Variants in CABLES1 observed in about 807,000 individuals in gnomAD.
CABLES1 encodes Cdk5 and Abl enzyme substrate 1.
In CABLES1, 36 loss-of-function variants were observed where a neutral mutation model predicts 57.8. The observed-to-expected ratio is 0.62, with a 90% CI of 0.48 to 0.82. The LOEUF is 0.82. CABLES1 is among the 40% of genes least tolerant of loss of function. The pLI is 0.00. For missense variants in CABLES1, 767 were observed against 836.6 expected, an observed-to-expected ratio of 0.92 and a Z score of 1.03; for synonymous variants, 374 against 363.0, an observed-to-expected ratio of 1.03 and a Z score of -0.35.
At chr18:23,226,179 G>A (rs968425257) in intron 4 of CABLES1, among the ~76,000 whole-genome samples, 21 of 152,260 alleles carry the variant, frequency 1.4e-4, no homozygotes, top group South Asian at 1.0e-3. Flanking sequence ...CGAGGTGGGC[G>A]GATCACAAGG....
intron 4 of CABLES1, among the ~76,000 whole-genome samples, chr18:23,232,063 G>A (rs566614672): frequency 7.9e-5 from 12 of 152,270 alleles, no homozygotes; most frequent in African/African-American, 1.9e-4. Context: ...TAAATAGTTC[G>A]TTACATATCA....
intron 4 of CABLES1, among the ~76,000 whole-genome samples, chr18:23,217,455 G>A (rs1025431454): frequency 2.6e-5 from 4 of 152,080 alleles, no homozygotes; most frequent in Non-Finnish European, 4.4e-5. Flanking sequence ...GAACATGTTC[G>A]TTTCTGCAGC....
chr18:23,257,116 G>A (rs1445173863), intron 9 of CABLES1, 111 bp from the exon 10 acceptor site: 4 of 1,237,246 alleles, frequency 3.2e-6, no homozygotes, highest in East Asian at 4.8e-5. Context: ...TTTGCCCAAA[G>A]TGGATTTCTC....
rs10638130 is a variant in CABLES1, at chr18:23,150,207, G to GTTTTTTTTTTTTTT, written c.845+13606_845+13619dup. Among the ~76,000 whole-genome samples, 50 of 106,662 alleles carry GTTTTTTTTTTTTTT rather than the reference G, an allele frequency of 4.7e-4. 1 individual carries two copies. The highest frequency in any genetic ancestry group is 1.7e-3 in the African/African-American group (42 of 24,394). 70.0% of individuals were successfully genotyped at this position (106,662 alleles called of 152,430 possible). A position where few individuals can be genotyped will look rare whatever the true frequency, so the allele number is the denominator to read the frequency against. ...TTTAAGGTCATAGTAGTTGGTGTTTGTTTTTTTTTTTTTTTTTTTGAGACG... is the reference window on the plus strand; with the variant it reads ...TTTAAGGTCATAGTAGTTGGTGTTTGTTTTTTTTTTTTTTTTTTTTTTTTTTTTTTTTTGAGACG... On this transcript the variant is annotated intron_variant, in intron 1 of 9. Coordinates refer to ENST00000256925, the MANE Select transcript of CABLES1 (RefSeq NM_001100619.3).
At chr18:23,234,578 A>C (rs770096844) in intron 4 of CABLES1, 30 bp from the exon 5 acceptor site, 2 of 1,535,476 alleles carry the variant, frequency 1.3e-6, no homozygotes, top group Admixed American at 1.7e-5. Flanking sequence ...ACACAAAAGC[A>C]TTTTTTTTTC....
rs964035699 is a variant in CABLES1, at chr18:23,258,901, C to T, written c.*1534C>T. 6.7e-6 allele frequency: 1 copy of T among 150,248 alleles called. No homozygotes were observed. Among genetic ancestry groups the T allele is most frequent in the Non-Finnish European group, 1.5e-5 (1 of 67,874 alleles). The allele number at this position is 150,248 out of a possible 1,614,324, so 9.3% of individuals were successfully genotyped here. A position where few individuals can be genotyped will look rare whatever the true frequency, so the allele number is the denominator to read the frequency against. ...GTGAGGGCCAAAACAGAATACTTGG[C>T]TTCTTCAGAATCTTAGATTGCACTG... is the stretch of plus-strand genomic sequence containing the variant. On this transcript the variant is annotated 3_prime_UTR_variant, in exon 10 of 10. Transcript: ENST00000256925.
intron 6 of CABLES1, 85 bp from the exon 7 acceptor site, chr18:23,237,057 T>C: frequency 1.2e-6 from 1 of 829,666 alleles, no homozygotes; most frequent in Non-Finnish European, 2.1e-6. Context: ...TCATTCCAGC[T>C]ATACTTGGCA....
Position 23,257,408 on chromosome 18 carries a change from T to C in CABLES1, c.*41T>C. ...CAGCCAAGGGCCATTTCTTCTCAGC[T>C]TGGTGGAGCAGCACTTACTTACTAC... On this transcript the variant is annotated 3_prime_UTR_variant, in exon 10 of 10. Transcript: ENST00000256925. 1 of 1,546,226 alleles carries C rather than the reference T, an allele frequency of 6.5e-7. No individual in the cohort carries two copies. The highest frequency in any genetic ancestry group is 8.7e-7 in the Non-Finnish European group (1 of 1,152,248).
intron 1 of CABLES1, among the ~76,000 whole-genome samples, chr18:23,183,222 C>G (rs1301233536): frequency 2.0e-5 from 3 of 152,212 alleles, no homozygotes; most frequent in Non-Finnish European, 2.9e-5. Flanking sequence ...CTTTGTCACT[C>G]CAGCCACAGG....
intron 1 of CABLES1, among the ~76,000 whole-genome samples, chr18:23,183,235 C>T (rs1012513850): frequency 1.3e-5 from 2 of 152,228 alleles, no homozygotes; most frequent in African/African-American, 4.8e-5. Context: ...GCCACAGGTT[C>T]TTCTGTGTAC....
chr18:23,182,726 A>G (rs1799142306), intron 1 of CABLES1, among the ~76,000 whole-genome samples: 1 of 152,182 alleles, frequency 6.6e-6, no homozygotes, highest in South Asian at 2.1e-4. Flanking sequence ...CTCGGGCCAG[A>G]GCTTTCCCCT....
In CABLES1 at chr18:23,213,930, C is replaced by T. The variant is rs192990467; in HGVS notation, c.1011-47C>T. On this transcript the variant is annotated intron_variant, in intron 3 of 9. Transcript: ENST00000256925. ...ATAGATTTTGTTTTTTAGTTTGATT[C>T]TTTGCATTTAGTGTGTTTGTTGTTT... 7.3e-4 allele frequency: 962 copies of T among 1,322,342 alleles called. 5 individuals are homozygous for T. Among genetic ancestry groups the T allele is most frequent in the Non-Finnish European group, 7.5e-4 (706 of 935,150 alleles). 81.9% of individuals were successfully genotyped at this position (1,322,342 alleles called of 1,614,324 possible). A position where few individuals can be genotyped will look rare whatever the true frequency, so the allele number is the denominator to read the frequency against.
chr18:23,200,481 C>G (rs1330266240), intron 3 of CABLES1, among the ~76,000 whole-genome samples: 1 of 152,068 alleles, frequency 6.6e-6, no homozygotes, highest in Admixed American at 6.6e-5. Flanking sequence ...CCAGGAAGGT[C>G]TCGATCTCCT....
Position 23,158,419 on chromosome 18 carries a change from C to T in CABLES1, c.845+21812C>T, listed in dbSNP as rs906463639. Among the ~76,000 whole-genome samples the T allele has an allele frequency of 3.3e-5, 5 of 151,676 alleles. No individual in the cohort carries two copies. In the East Asian group the frequency reaches 5.8e-4, roughly 17 times the overall value. On this transcript the variant is annotated intron_variant, in intron 1 of 9. Transcript: ENST00000256925. ...GTGTAGACCTTCTGTGTGTTTCAAC[C>T]ATGGTTTTCATTTAGTGTGATCAGT...
chr18:23,164,594 C>A (rs980950222), intron 1 of CABLES1, among the ~76,000 whole-genome samples: 1 of 151,978 alleles, frequency 6.6e-6, no homozygotes, highest in African/African-American at 2.4e-5. Context: ...TTCTGTGTGC[C>A]AGATATTGCT....
Position 23,249,358 on chromosome 18 carries a change from G to A in CABLES1, c.1447-3602G>A, listed in dbSNP as rs140087463. The stretch of plus-strand genomic sequence containing the variant: ...CCTGGGGAGAAGCAGCCTCAGCCCC[G>A]GGGGTTTAGGAGGAGGAGCCTGCAG... On this transcript the variant is annotated intron_variant, in intron 7 of 9. Coordinates refer to ENST00000256925, the MANE Select transcript of CABLES1 (RefSeq NM_001100619.3). Among the ~76,000 whole-genome samples, 269 of 152,308 alleles carry A rather than the reference G, an allele frequency of 1.8e-3. 1 individual carries two copies. The highest frequency in any genetic ancestry group is 6.4e-3 in the African/African-American group (266 of 41,572).
In CABLES1 at chr18:23,257,207, T is replaced by C; in HGVS notation, c.1762-20T>C. ...TTTAATTTCAAAATGAACATGCTTT[T>C]GATTTTCTTTTTGTTGCAGAAACTG... On this transcript the variant is annotated intron_variant, in intron 9 of 9. Coordinates refer to ENST00000256925, the MANE Select transcript of CABLES1 (RefSeq NM_001100619.3). 4 of 1,605,700 alleles carry C rather than the reference T, an allele frequency of 2.5e-6. No homozygotes were observed. Among genetic ancestry groups the C allele is most frequent in the Non-Finnish European group, 3.4e-6 (4 of 1,178,156 alleles).
chr18:23,198,341 A>G (rs1233114112), intron 3 of CABLES1, among the ~76,000 whole-genome samples: 6 of 152,234 alleles, frequency 3.9e-5, no homozygotes, highest in South Asian at 2.1e-4. Flanking sequence ...ATGAGTAGAG[A>G]TGCCTTTTAA....
rs1598840639 is a variant in CABLES1, at chr18:23,226,742, C to T, written c.1089-7866C>T. ...GTCCCTATGCATAAGGGAACCGACA[C>T]CAGCCACCAAGTGCTCTTTACTTCC... On this transcript the variant is annotated intron_variant, in intron 4 of 9. Coordinates refer to ENST00000256925, the MANE Select transcript of CABLES1 (RefSeq NM_001100619.3). 2.6e-5 allele frequency among the ~76,000 whole-genome samples: 4 copies of T among 152,280 alleles called. No homozygotes were observed. In the East Asian group the frequency reaches 5.8e-4, roughly 22 times the overall value.
Sources: allele counts gnomAD v4.1 joint callset (sites outside exome capture counted in the v4.1 genomes callset), GRCh38; gene constraint gnomAD v4.1.1; transcripts MANE v1.5; gene names NCBI Gene and HGNC (gene_info 2026-07-23, HGNC 2026-07-21).